MICB: variants seen among roughly 807,000 people sequenced by gnomAD.
The protein encoded by MICB is MHC class I antigen-related protein B.
A neutral mutation model predicts 34.3 loss-of-function variants in MICB; 27 were observed. The ratio of observed to expected loss-of-function variants is 0.79; its 90% CI spans 0.58 to 1.08. MICB has a LOEUF of 1.08. Among genes scored for constraint, MICB ranks in the 50% least tolerant of loss-of-function variants. The pLI, the probability that MICB is intolerant of heterozygous loss-of-function variation, is 0.00. For missense variants in MICB, 426 were observed against 483.1 expected (o/e 0.88, Z 1.11); for synonymous variants, 153 against 187.4 (o/e 0.82, Z 1.50).
chr6:31,508,552 A>T (rs1765484434), intron 5 of MICB, among the ~76,000 whole-genome samples: 1 of 152,086 alleles, frequency 6.6e-6, no homozygotes, highest in South Asian at 2.1e-4. Context: ...GCCCTGCAGC[A>T]AGAGGGCCCC....
In MICB at chr6:31,506,129, C is replaced by T. The variant is rs1283201228; in HGVS notation, c.326-14C>T. 6.2e-7 allele frequency: 1 copy of T among 1,607,310 alleles called. No homozygotes were observed. The highest frequency in any genetic ancestry group is 1.7e-5 in the Admixed American group (1 of 59,034). ...GGGTTCGGGAATGGAGAAGTCACTG[C>T]TGGGTGGGGGCAGGCTTGCATTCCC... On this transcript the variant is annotated splice_polypyrimidine_tract_variant and intron_variant, in intron 2 of 5. Transcript: ENST00000252229.
chr6:31,497,937 C>G, upstream of MICB: 1 of 303,682 alleles, frequency 3.3e-6, no homozygotes, highest in Non-Finnish European at 6.3e-6. Context: ...TGGCTGCGCT[C>G]GCGCACGCTC....
chr6:31,495,158 T>C (rs1467364145), upstream of MICB, among the ~76,000 whole-genome samples: 1 of 152,168 alleles, frequency 6.6e-6, no homozygotes, highest in Non-Finnish European at 1.5e-5. Context: ...AAGACCTTCT[T>C]GGCCTCCCCT....
upstream of MICB, among the ~76,000 whole-genome samples, chr6:31,497,208 A>G (rs2150274700): frequency 6.6e-6 from 1 of 152,198 alleles, no homozygotes; most frequent in South Asian, 2.1e-4. Context: ...ACTCCCGGAG[A>G]TGAAGGAGAA....
intron 1 of MICB, among the ~76,000 whole-genome samples, chr6:31,502,494 T>C (rs9267401): frequency 3.9e-5 from 6 of 152,076 alleles, no homozygotes; most frequent in Non-Finnish European, 5.9e-5. Flanking sequence ...TATTTTATTT[T>C]ATTTGTAGCT....
Position 31,507,674 on chromosome 6 carries a change from G to A in MICB, c.1024+143G>A. ...AGCTGGGGTATTTGGGAGGGGAATG[G>A]GAGCTGCATCTCCATCTACACCCAT... On this transcript the variant is annotated intron_variant, in intron 5 of 5. Transcript: ENST00000252229. This position sits in a 1 kb window ranked among gnomAD's most constrained non-coding sequence, Gnocchi z 6.0. The A allele has an allele frequency of 1.0e-6, 1 of 990,592 alleles. No homozygotes were observed. Among genetic ancestry groups the A allele is most frequent in the Non-Finnish European group, 1.5e-6 (1 of 675,596 alleles). 61.4% of individuals were successfully genotyped at this position (990,592 alleles called of 1,614,324 possible).
At chr6:31,506,109 C>T (rs1326352534) in intron 2 of MICB, 34 bp from the exon 3 acceptor site, 23 of 1,587,758 alleles carry the variant, frequency 1.4e-5, no homozygotes, top group Non-Finnish European at 1.9e-5. Context: ...GTGATGGGTT[C>T]GGGAATGGAG....
rs148837548 is a variant in MICB at position 31,503,813 on chromosome 6, T to C, written c.71-1804T>C. Among the ~76,000 whole-genome samples, 1,263 of 152,332 alleles carry C rather than the reference T, an allele frequency of 8.3e-3. 9 individuals are homozygous for C. The highest frequency in any genetic ancestry group is 0.065 in the Middle Eastern group (19 of 294). On this transcript the variant is annotated intron_variant, in intron 1 of 5. Coordinates refer to ENST00000252229, the MANE Select transcript of MICB (RefSeq NM_005931.5). ...TTTGGGTATATATCCAGAAATAGAATTGTTGGATCATACGGTATTTCATTT... is the reference window on the plus strand; with the variant it reads ...TTTGGGTATATATCCAGAAATAGAACTGTTGGATCATACGGTATTTCATTT...
Position 31,506,158 on chromosome 6 carries a change from A to G in MICB, c.341A>G (p.Gln114Arg). Residue 114 changes from glutamine (Q) to arginine (R), a missense_variant, in exon 3 of 6, where the codon CAG becomes CGG. Coordinates refer to ENST00000252229, the MANE Select transcript of MICB (RefSeq NM_005931.5). Reference sequence around the variant, plus strand: ...GTGGGGGCAGGCTTGCATTCCCTCCAGGAGATTAGGGTCTGTGAGATCCAT... The same window carrying G: ...GTGGGGGCAGGCTTGCATTCCCTCCGGGAGATTAGGGTCTGTGAGATCCAT... ...KDQKGGLHSL[Q>R]EIRVCEIHED... 1.2e-6 allele frequency: 2 copies of G among 1,613,642 alleles called. No homozygotes were observed. The highest frequency in any genetic ancestry group is 1.1e-5 in the South Asian group (1 of 91,026).
chr6:31,506,491 C>T (rs1175427419), intron 3 of MICB, 61 bp downstream of exon 3: 2 of 1,552,722 alleles, frequency 1.3e-6, no homozygotes, highest in Non-Finnish European at 1.7e-6. Flanking sequence ...GCCTCGCCTC[C>T]CAGCTCTGTC....
rs1268399363 is a variant in MICB, at chr6:31,503,913, A to G, written c.71-1704A>G. Among the ~76,000 whole-genome samples the G allele has an allele frequency of 2.0e-5, 3 of 150,484 alleles. No homozygotes were observed. The East Asian group carries it at 5.8e-4, about 29-fold the overall frequency. On this transcript the variant is annotated intron_variant, in intron 1 of 5. Coordinates refer to ENST00000252229, the MANE Select transcript of MICB (RefSeq NM_005931.5). ...TTTTGTATTTCTAGAAGCAGTATAC[A>G]GGGGCTTCAGTTTCTCTACCTCCTT...
At chr6:31,503,986 T>TGTGTGTGTGTGTGTG (rs1371417972) in intron 1 of MICB, among the ~76,000 whole-genome samples, 207 of 147,888 alleles carry the variant, frequency 1.4e-3, no homozygotes, top group African/African-American at 4.4e-3. Context: ...TGTGTGTGTG[T>TGTGTGTGTGTGTGTG]GATAATAGCC....
intron 1 of MICB, among the ~76,000 whole-genome samples, chr6:31,501,213 T>C (rs1765004246): frequency 6.6e-6 from 1 of 152,244 alleles, no homozygotes; most frequent in South Asian, 2.1e-4. Flanking sequence ...ATATACCTGT[T>C]TGCCATTTGT....
intron 1 of MICB, among the ~76,000 whole-genome samples, chr6:31,503,905 C>T (rs1223469266): frequency 2.7e-5 from 4 of 150,646 alleles, no homozygotes; most frequent in Non-Finnish European, 5.9e-5. Context: ...TTTCTAGAAG[C>T]AGTATACAGG....
chr6:31,498,304 G>C (rs1198115777), intron 1 of MICB, 41 bp downstream of exon 1: 1 of 1,497,884 alleles, frequency 6.7e-7, no homozygotes. Flanking sequence ...AGCGGGAGCG[G>C]CGGGGCGTTT....
chr6:31,506,534 C>A, intron 3 of MICB, 104 bp downstream of exon 3: 1 of 1,286,602 alleles, frequency 7.8e-7, no homozygotes, highest in Non-Finnish European at 1.1e-6. Context: ...TGGATGCAGG[C>A]GTTTCCTGTT....
rs147582118 is a variant in MICB at position 31,505,762 on chromosome 6, G to A, written c.216G>A (p.Trp72Ter). 2 of 1,613,166 alleles carry A rather than the reference G, an allele frequency of 1.2e-6. No individual in the cohort carries two copies. The highest frequency in any genetic ancestry group is 2.7e-5 in the African/African-American group (2 of 75,026). ...QKRRAKPQGQ[W>*]AENVLGAKTW... ...GCAGGGCAAAGCCCCAGGGACAGTG[G>A]GCAGAAAATGTCCTGGGAGCTAAGA... The change falls in exon 2 of 6, where the codon TGG becomes TGA. Residue 72 changes from tryptophan to a stop codon, truncating the protein, a stop_gained. Coordinates refer to ENST00000252229, the MANE Select transcript of MICB (RefSeq NM_005931.5). LOFTEE classifies it high-confidence loss of function.
intron 1 of MICB, among the ~76,000 whole-genome samples, chr6:31,504,254 CTT>C (rs9281513): frequency 3.3e-5 from 2 of 60,266 alleles, no homozygotes; most frequent in African/African-American, 6.7e-5. Context: ...CTCTCTTTTT[CTT>C]TTTTTTTTTT....
Position 31,507,474 on chromosome 6 carries a change from AT to A in MICB, c.969del (p.Ile324LeufsTer21). 6.2e-7 allele frequency: 1 copy of A among 1,613,354 alleles called. No homozygotes were observed. Among genetic ancestry groups the A allele is most frequent in the Non-Finnish European group, 8.5e-7 (1 of 1,179,274 alleles). On this transcript the variant is annotated frameshift_variant, in exon 5 of 6. Transcript: ENST00000252229. LOFTEE classifies it high-confidence loss of function. This position sits in a 1 kb window ranked among gnomAD's most constrained non-coding sequence, Gnocchi z 6.0. The stretch of plus-strand genomic sequence containing the variant: ...TGCTGCTATGCCATGTTTTGTTATT[AT>A]TATTATTCTCTGTGTCCCTTGTTGC... ...VSAAMPCFVIIIILCVPCCKK... is the reference protein window; with the variant it reads ...VSAAMPCFVIXIILCVPCCKK...
Sources: allele counts gnomAD v4.1 joint callset (sites outside exome capture counted in the v4.1 genomes callset), GRCh38; gene constraint gnomAD v4.1.1; non-coding constraint Gnocchi (gnomAD v3.1); transcripts MANE v1.5; gene names NCBI Gene and HGNC (gene_info 2026-07-23, HGNC 2026-07-21).